DPP6: variants seen among roughly 807,000 people sequenced by gnomAD.
DPP6 encodes A-type potassium channel modulatory protein DPP6.
A neutral mutation model predicts 122.6 loss-of-function variants in DPP6; 69 were observed. That is an observed-to-expected ratio of 0.56 (90% CI 0.46 to 0.69). The LOEUF is 0.69. DPP6 is among the 30% of genes least tolerant of loss of function. The pLI is 0.00. For missense variants in DPP6, 928 were observed against 1,116.9 expected, an observed-to-expected ratio of 0.83 and a Z score of 2.41; for synonymous variants, 418 against 433.1, an observed-to-expected ratio of 0.97 and a Z score of 0.43.
At chr7:153,834,866 A>G in the DPP6 span, among the ~76,000 whole-genome samples, 118 of 152,356 alleles carry the variant, frequency 7.7e-4, no homozygotes, top group African/African-American at 2.7e-3. Flanking sequence ...TCGGGTAAAT[A>G]TAGCTGGAGC....
intron 1 of DPP6, among the ~76,000 whole-genome samples, chr7:154,219,065 G>T (rs1800159337): frequency 6.6e-6 from 1 of 152,308 alleles, no homozygotes; most frequent in African/African-American, 2.4e-5. Flanking sequence ...CTATCATTCT[G>T]AAATTTTACT....
chr7:153,809,418 C>T, the DPP6 span, among the ~76,000 whole-genome samples: 1 of 152,142 alleles, frequency 6.6e-6, no homozygotes, highest in Non-Finnish European at 1.5e-5. Context: ...CTAGCATGGA[C>T]AGATGCTCAA....
At chr7:153,758,910 G>A in the DPP6 span, among the ~76,000 whole-genome samples, 4 of 152,178 alleles carry the variant, frequency 2.6e-5, no homozygotes, top group East Asian at 1.9e-4. Context: ...GGAACAGCAA[G>A]ATCATACAGT....
intron 1 of DPP6, among the ~76,000 whole-genome samples, chr7:154,111,779 G>A: frequency 6.6e-6 from 1 of 152,178 alleles, no homozygotes; most frequent in Non-Finnish European, 1.5e-5. Flanking sequence ...TCTGCACACA[G>A]TGTCTTGATG....
intron 6 of DPP6, among the ~76,000 whole-genome samples, chr7:154,664,744 T>C (rs1838040749): frequency 6.6e-6 from 1 of 152,128 alleles, no homozygotes; most frequent in South Asian, 2.1e-4. Context: ...TAGGATAATT[T>C]TTAAAGCCAA....
At chr7:153,934,216 T>C (rs1335567657) in intron 1 of DPP6, among the ~76,000 whole-genome samples, 1 of 152,090 alleles carries the variant, frequency 6.6e-6, no homozygotes, top group Non-Finnish European at 1.5e-5. Flanking sequence ...GACAGGGTAC[T>C]TCTGTGGCTC....
chr7:153,922,372 T>A (rs4726344), intron 1 of DPP6, among the ~76,000 whole-genome samples: 3 of 151,764 alleles, frequency 2.0e-5, no homozygotes, highest in African/African-American at 7.3e-5. Flanking sequence ...AGTGGCATGC[T>A]TTTGTATTCC....
chr7:154,345,309 C>G (rs1469798365), intron 1 of DPP6, among the ~76,000 whole-genome samples: 3 of 152,178 alleles, frequency 2.0e-5, no homozygotes, highest in African/African-American at 7.2e-5. Flanking sequence ...AAGGTCTTAC[C>G]ACCTGATACC....
intron 6 of DPP6, among the ~76,000 whole-genome samples, chr7:154,651,044 G>A (rs1873086): frequency 4.6e-5 from 7 of 152,152 alleles, no homozygotes; most frequent in Non-Finnish European, 8.8e-5. Flanking sequence ...GAAATGCTAA[G>A]AGGAGCTCTC....
rs879846721 is a variant in DPP6, at chr7:154,544,105, T to A, written c.552+3479T>A. 1.6e-4 allele frequency among the ~76,000 whole-genome samples: 23 copies of A among 147,358 alleles called. 1 individual carries two copies. Among genetic ancestry groups the A allele is most frequent in the Admixed American group, 1.0e-3 (15 of 14,684 alleles). On this transcript the variant is annotated intron_variant, in intron 4 of 25. Coordinates refer to ENST00000377770, the MANE Select transcript of DPP6 (RefSeq NM_130797.4). ...CATTCTTTTGTTTTATATATATATA[T>A]AAAACAAATATATATACACACAAAT...
intron 2 of DPP6, among the ~76,000 whole-genome samples, chr7:154,466,094 C>G (rs1327033764): frequency 6.6e-6 from 1 of 151,896 alleles, no homozygotes; most frequent in Non-Finnish European, 1.5e-5. Context: ...TCTCAGCAAA[C>G]TAACACAGGA....
At chr7:153,781,925 T>G in the DPP6 span, among the ~76,000 whole-genome samples, 6 of 148,628 alleles carry the variant, frequency 4.0e-5, no homozygotes, top group Non-Finnish European at 8.9e-5. Context: ...ATTTTAAATT[T>G]ATAAACTTCT....
intron 8 of DPP6, among the ~76,000 whole-genome samples, chr7:154,768,518 T>C (rs1796045674): frequency 6.6e-6 from 1 of 152,192 alleles, no homozygotes; most frequent in Non-Finnish European, 1.5e-5. Context: ...ACACTATATA[T>C]AGACCCAGTA....
At chr7:154,212,549 G>C (rs983444137) in intron 1 of DPP6, among the ~76,000 whole-genome samples, 2 of 152,190 alleles carry the variant, frequency 1.3e-5, no homozygotes, top group Non-Finnish European at 2.9e-5. Flanking sequence ...ATGTATGGAC[G>C]TGTGATGCCG....
At chr7:154,627,735 A>G (rs1400490335) in intron 5 of DPP6, among the ~76,000 whole-genome samples, 1 of 152,214 alleles carries the variant, frequency 6.6e-6, no homozygotes, top group African/African-American at 2.4e-5. Context: ...CATCAGCCAC[A>G]GGAGTGGGCC....
At chr7:154,356,481 T>C (rs1236436402) in intron 1 of DPP6, among the ~76,000 whole-genome samples, 5 of 152,146 alleles carry the variant, frequency 3.3e-5, no homozygotes, top group Non-Finnish European at 7.3e-5. Context: ...GGTGGGAGGA[T>C]GGCTTGAGGC....
chr7:154,857,092 G>A lies in DPP6; in HGVS notation c.1714+3265G>A, dbSNP rs565240362. On this transcript the variant is annotated intron_variant, in intron 17 of 25. Coordinates refer to ENST00000377770, the MANE Select transcript of DPP6 (RefSeq NM_130797.4). ...TCAAACTCTAGGAATATTTCATCCC[G>A]CCCTAGCCTGTTTCTGCATTTCTGG... Among the ~76,000 whole-genome samples, 53 of 152,198 alleles carry A rather than the reference G, an allele frequency of 3.5e-4. No individual in the cohort carries two copies. The East Asian group carries it at 3.7e-3, about 11-fold the overall frequency.
chr7:153,784,576 T>C, the DPP6 span, among the ~76,000 whole-genome samples: 1 of 152,232 alleles, frequency 6.6e-6, no homozygotes, highest in Non-Finnish European at 1.5e-5. Flanking sequence ...GGTGAAGATA[T>C]GCCTTATGAC....
At chr7:154,100,751 C>T (rs1223573629) in intron 1 of DPP6, among the ~76,000 whole-genome samples, 23 of 102,060 alleles carry the variant, frequency 2.3e-4, no homozygotes, top group African/African-American at 7.2e-4. Context: ...AGTTAACCCA[C>T]GCATCCATCC....
Sources: gnomAD v4.1 joint callset for allele counts (sites outside exome capture counted in the v4.1 genomes callset) on GRCh38, gnomAD v4.1.1 for gene constraint, MANE v1.5 for transcripts, NCBI Gene and HGNC (gene_info 2026-07-23, HGNC 2026-07-21) for gene names.